Variants in RANBP17 observed in about 807,000 individuals in gnomAD.
The protein encoded by RANBP17 is ran-binding protein 17.
RANBP17 carries 158 observed loss-of-function variants against 141.2 expected under a neutral mutation model. The observed-to-expected ratio is 1.12, with a 90% CI of 0.98 to 1.28. The LOEUF is 1.28. Ranked by LOEUF, RANBP17 falls within the 50% of genes most tolerant of loss-of-function variation. RANBP17 has a pLI of 0.00. For synonymous variants in RANBP17, 430 were observed against 450.0 expected, an observed-to-expected ratio of 0.96 and a Z score of 0.56; for missense variants, 1,438 against 1,290.7, an observed-to-expected ratio of 1.11 and a Z score of -1.75.
At chr5:171,223,024 A>C (rs1256864490) in intron 22 of RANBP17, among the ~76,000 whole-genome samples, 1 of 152,208 alleles carries the variant, frequency 6.6e-6, no homozygotes, top group Non-Finnish European at 1.5e-5. Flanking sequence ...TGTATGTAAG[A>C]ACAACCAATA....
rs147957780 is a variant in RANBP17 at position 171,249,059 on chromosome 5, C to T, written c.2776+6239C>T. On this transcript the variant is annotated intron_variant, in intron 24 of 27. Transcript: ENST00000523189. ...TCATCCCACCATTGCCACCACTGGG[C>T]CTGAAGACTGAGACCTGCCTGGTTT... Among the ~76,000 whole-genome samples the T allele has an allele frequency of 7.5e-3, 1,136 of 152,258 alleles. 12 individuals are homozygous for T. The highest frequency in any genetic ancestry group is 0.026 in the African/African-American group (1,074 of 41,538).
intron 14 of RANBP17, among the ~76,000 whole-genome samples, chr5:171,047,658 T>G (rs1271367216): frequency 6.6e-6 from 1 of 152,128 alleles, no homozygotes; most frequent in African/African-American, 2.4e-5. Flanking sequence ...CAGGCTGGTC[T>G]TCAACTCCTG....
intron 14 of RANBP17, among the ~76,000 whole-genome samples, chr5:170,990,668 T>A (rs1037850910): frequency 2.0e-5 from 3 of 152,026 alleles, no homozygotes; most frequent in Non-Finnish European, 4.4e-5. Context: ...GTTTTGAAAT[T>A]GTGCTGTGCA....
At chr5:171,034,841 A>C (rs1415862354) in intron 14 of RANBP17, among the ~76,000 whole-genome samples, 1 of 152,126 alleles carries the variant, frequency 6.6e-6, no homozygotes, top group African/African-American at 2.4e-5. Flanking sequence ...TTTTGAGACA[A>C]GGTCTCACTC....
At chr5:170,894,239 A>C (rs998639791) in intron 4 of RANBP17, among the ~76,000 whole-genome samples, 2 of 152,110 alleles carry the variant, frequency 1.3e-5, no homozygotes, top group African/African-American at 4.8e-5. Context: ...AAGATTGTTC[A>C]TCAAGATTTA....
chr5:170,955,105 C>T lies in RANBP17; in HGVS notation c.1574+1403C>T, dbSNP rs74445156. Among the ~76,000 whole-genome samples, 870 of 152,164 alleles carry T rather than the reference C, an allele frequency of 5.7e-3. 10 individuals are homozygous for T. The highest frequency in any genetic ancestry group is 0.031 in the East Asian group (162 of 5,168). On this transcript the variant is annotated intron_variant, in intron 13 of 27. Coordinates refer to ENST00000523189, the MANE Select transcript of RANBP17 (RefSeq NM_022897.5). ...AGGTGGAACAGTTTCATCCTGAGACCGTCACCCCACACCACCCCAAACCCC... is the reference window on the plus strand; with the variant it reads ...AGGTGGAACAGTTTCATCCTGAGACTGTCACCCCACACCACCCCAAACCCC...
rs1308102680 is a variant in RANBP17 at position 170,919,558 on chromosome 5, G to A, written c.1219G>A (p.Glu407Lys). Residue 407 changes from glutamate (E) to lysine (K), a missense_variant, in exon 11 of 28, where the codon GAA becomes AAA. By Grantham distance (56) the Glu-to-Lys change is moderately conservative. Coordinates refer to ENST00000523189, the MANE Select transcript of RANBP17 (RefSeq NM_022897.5). ...CCACCTATTAGACACTTATGCACCA[G>A]AAATCACGAAGGCCTTTATCACTTC... is the stretch of plus-strand genomic sequence containing the variant. ...EPHLLDTYAP[E>K]ITKAFITSRL... 6.2e-7 allele frequency: 1 copy of A among 1,611,114 alleles called. No homozygotes were observed. The highest frequency in any genetic ancestry group is 2.2e-5 in the East Asian group (1 of 44,722).
chr5:171,022,352 G>A (rs978381346), intron 14 of RANBP17, among the ~76,000 whole-genome samples: 14 of 152,190 alleles, frequency 9.2e-5, no homozygotes, highest in African/African-American at 3.1e-4. Context: ...GGGGAAACCC[G>A]CTCATCTGGG....
chr5:171,060,048 C>T (rs1783701042), intron 14 of RANBP17, among the ~76,000 whole-genome samples: 1 of 43,102 alleles, frequency 2.3e-5, no homozygotes, highest in Non-Finnish European at 4.8e-5. Context: ...TGCTTATCAG[C>T]TTAAGGAGAT....
At chr5:171,160,654 G>A (rs958172370) in intron 14 of RANBP17, among the ~76,000 whole-genome samples, 1 of 152,132 alleles carries the variant, frequency 6.6e-6, no homozygotes, top group African/African-American at 2.4e-5. Context: ...CTCCTATTTT[G>A]TGATATTATA....
chr5:170,963,311 G>C (rs903452035), intron 13 of RANBP17, among the ~76,000 whole-genome samples: 6 of 152,168 alleles, frequency 3.9e-5, no homozygotes, highest in Non-Finnish European at 7.3e-5. Context: ...GTCTCACACT[G>C]TATAATCAAG....
intron 14 of RANBP17, among the ~76,000 whole-genome samples, chr5:171,097,239 T>A (rs1786757644): frequency 6.6e-6 from 1 of 152,124 alleles, no homozygotes; most frequent in Non-Finnish European, 1.5e-5. Context: ...AAATTTAGAA[T>A]ACCATATCCC....
At chr5:171,093,560 T>C (rs1786468680) in intron 14 of RANBP17, among the ~76,000 whole-genome samples, 1 of 152,254 alleles carries the variant, frequency 6.6e-6, no homozygotes, top group South Asian at 2.1e-4. Flanking sequence ...GTCACTGTTA[T>C]ATTTTCAGAG....
At chr5:171,017,132 C>T (rs1780492434) in intron 14 of RANBP17, among the ~76,000 whole-genome samples, 1 of 152,144 alleles carries the variant, frequency 6.6e-6, no homozygotes, top group Non-Finnish European at 1.5e-5. Flanking sequence ...ATATGTACCA[C>T]ATTTTCTTTA....
At chr5:171,291,891 TATTAC>T (rs1768520403) in intron 25 of RANBP17, among the ~76,000 whole-genome samples, 1 of 152,254 alleles carries the variant, frequency 6.6e-6, no homozygotes, top group Non-Finnish European at 1.5e-5. Flanking sequence ...TATCCTTACT[TATTAC>T]AGACATAAAT....
At chr5:171,290,778 C>G (rs1768446455) in intron 25 of RANBP17, among the ~76,000 whole-genome samples, 1 of 152,174 alleles carries the variant, frequency 6.6e-6, no homozygotes, top group Admixed American at 6.5e-5. Context: ...CTAATCAGGA[C>G]ATGAATTGGG....
intron 5 of RANBP17, among the ~76,000 whole-genome samples, chr5:170,900,001 G>C (rs985676392): frequency 6.6e-6 from 1 of 152,174 alleles, no homozygotes; most frequent in African/African-American, 2.4e-5. Flanking sequence ...TCTCTGCCAG[G>C]ATTTGGTATC....
At chr5:170,871,874 C>G (rs1384184713) in intron 1 of RANBP17, among the ~76,000 whole-genome samples, 3 of 152,114 alleles carry the variant, frequency 2.0e-5, no homozygotes, top group Non-Finnish European at 2.9e-5. Flanking sequence ...TTCTATTGGT[C>G]TATGTGTTTG....
chr5:171,230,349 T>C, intron 22 of RANBP17, among the ~76,000 whole-genome samples: 1 of 152,192 alleles, frequency 6.6e-6, no homozygotes, highest in East Asian at 1.9e-4. Flanking sequence ...AACAGCCTGG[T>C]TGGTTAGGAA....
Sources: allele counts gnomAD v4.1 joint callset (sites outside exome capture counted in the v4.1 genomes callset), GRCh38; gene constraint gnomAD v4.1.1; transcripts MANE v1.5; gene names NCBI Gene and HGNC (gene_info 2026-07-23, HGNC 2026-07-21).